Variants in MGST1 observed in about 807,000 individuals in gnomAD.
MGST1 encodes the protein glutathione S-transferase 12.
In MGST1, 5 loss-of-function variants were observed where a neutral mutation model predicts 8.9. The observed-to-expected ratio is 0.56, with a 90% confidence interval of 0.29 to 1.19. The LOEUF (loss-of-function observed/expected upper bound fraction) is 1.19, where lower values mean the gene tolerates loss of function less well. MGST1 is among the 50% of genes most tolerant of loss of function. The probability of loss-of-function intolerance (pLI) is 0.08; values close to 1 mark genes in which losing one functional copy is unlikely to be tolerated. For missense variants in MGST1, 182 were observed against 187.4 expected (o/e 0.97, Z 0.17); for synonymous variants, 54 against 67.8 (o/e 0.80, Z 1.00).
intron 4 of MGST1, among the ~76,000 whole-genome samples, chr12:16,553,145 C>CCCTACAT (rs1438820309): frequency 6.6e-6 from 1 of 152,064 alleles, no homozygotes; most frequent in Admixed American, 6.6e-5. Flanking sequence ...CACATTTATT[C>CCCTACAT]CCTACATCCA....
chr12:16,560,773 T>C lies in MGST1; in HGVS notation n.483-28755T>C, dbSNP rs986187953. On this transcript the variant is annotated intron_variant and non_coding_transcript_variant, in intron 4 of 4. Transcript: ENST00000538857. The surrounding 1 kb of genome is among the most constrained non-coding windows in gnomAD (Gnocchi z 5.0). ...AGAAGAAAAGGAAAAGACAAATACA[T>C]TAGGAAGCTTACGTAACTGCACATA... is the stretch of plus-strand genomic sequence containing the variant. 5.5e-6 allele frequency: 3 copies of C among 542,876 alleles called. No individual in the cohort carries two copies. The highest frequency in any genetic ancestry group is 3.8e-5 in the African/African-American group (2 of 52,112). 33.6% of individuals were successfully genotyped at this position (542,876 alleles called of 1,614,324 possible).
chr12:16,491,063 G>A (rs533153820), intron 4 of MGST1, among the ~76,000 whole-genome samples: 5 of 152,118 alleles, frequency 3.3e-5, no homozygotes, highest in Admixed American at 6.6e-5. Context: ...AAATTCTCTC[G>A]ATATAACTAT....
At chr12:16,442,610 A>C (rs1246689944), downstream of MGST1, among the ~76,000 whole-genome samples, 2 of 151,894 alleles carry the variant, frequency 1.3e-5, no homozygotes, top group East Asian at 3.9e-4. The surrounding 1 kb of genome is among the most constrained non-coding windows in gnomAD (Gnocchi z 4.5). Context: ...TTTGTTAAAG[A>C]TCAGCTGGGA....
intron 1 of MGST1, among the ~76,000 whole-genome samples, chr12:16,429,641 T>C (rs1031268114): frequency 4.6e-5 from 7 of 152,170 alleles, no homozygotes; most frequent in Admixed American, 3.9e-4. Context: ...AAAATTATGT[T>C]TATACTATAC....
At chr12:16,515,431 G>A (rs1022287604) in intron 4 of MGST1, among the ~76,000 whole-genome samples, 25 of 152,080 alleles carry the variant, frequency 1.6e-4, no homozygotes, top group Admixed American at 1.5e-3. Flanking sequence ...GAGGACAGAA[G>A]TCTGAGACCA....
rs1459061073 is a variant in MGST1, at chr12:16,401,784, C to G, written n.778+18180C>G. ...CACAGACTCAGCCAGTTTGCTGTGT[C>G]AAACTTTCTCATCTGCATCAACTAT... On this transcript the variant is annotated intron_variant and non_coding_transcript_variant, in intron 1 of 1. Transcript: ENST00000359720. The surrounding 1 kb of genome is among the most constrained non-coding windows in gnomAD (Gnocchi z 4.3). 5.6e-6 allele frequency: 9 copies of G among 1,602,644 alleles called. No individual in the cohort carries two copies. The East Asian group carries it at 1.6e-4, about 28-fold the overall frequency.
chr12:16,483,308 C>G (rs1435489957), intron 4 of MGST1, among the ~76,000 whole-genome samples: 1 of 151,804 alleles, frequency 6.6e-6, no homozygotes, highest in Non-Finnish European at 1.5e-5. Flanking sequence ...TAATTTTCTT[C>G]CTGATTATTA....
chr12:16,352,067 G>A (rs571630322), intron 1 of MGST1, among the ~76,000 whole-genome samples: 111 of 152,170 alleles, frequency 7.3e-4, no homozygotes, highest in Non-Finnish European at 1.4e-3. Flanking sequence ...TGTAGTAACC[G>A]TATGGGGTGT....
At chr12:16,427,543 A>G (rs907008981) in intron 1 of MGST1, among the ~76,000 whole-genome samples, 1 of 152,054 alleles carries the variant, frequency 6.6e-6, no homozygotes, top group Non-Finnish European at 1.5e-5. Context: ...TACCATGCCC[A>G]GCTAATTTTT....
chr12:16,380,686 C>T (rs573153978), downstream of MGST1, among the ~76,000 whole-genome samples: 3 of 152,200 alleles, frequency 2.0e-5, no homozygotes, highest in East Asian at 1.9e-4. Context: ...GAGTTCAATT[C>T]CTGGGTATCC....
chr12:16,362,102 C>A lies in MGST1; in HGVS notation c.222-1693C>A, dbSNP rs1460475885. Among the ~76,000 whole-genome samples the A allele has an allele frequency of 1.3e-5, 2 of 152,148 alleles. No individual in the cohort carries two copies. The highest frequency in any genetic ancestry group is 4.8e-5 in the African/African-American group (2 of 41,424). ...TGTTGTGAAGGAGAACACTAACGTGCCTAAGATTGGAGGTGACGATATCTC... is the reference window on the plus strand; with the variant it reads ...TGTTGTGAAGGAGAACACTAACGTGACTAAGATTGGAGGTGACGATATCTC... On this transcript the variant is annotated intron_variant, in intron 3 of 3. Transcript: ENST00000396210. The surrounding 1 kb of genome is among the most constrained non-coding windows in gnomAD (Gnocchi z 4.4).
chr12:16,486,220 T>C (rs1182767002), intron 4 of MGST1, among the ~76,000 whole-genome samples: 1 of 152,210 alleles, frequency 6.6e-6, no homozygotes, highest in Non-Finnish European at 1.5e-5. Flanking sequence ...ACATTTAACA[T>C]AGAATATACT....
chr12:16,525,840 C>G (rs1354489222), intron 4 of MGST1, among the ~76,000 whole-genome samples: 6 of 151,518 alleles, frequency 4.0e-5, no homozygotes, highest in African/African-American at 7.3e-5. Flanking sequence ...GCCATTCTAA[C>G]TGGTGTGAGA....
At chr12:16,408,910 C>T (rs1940718046) in intron 1 of MGST1, among the ~76,000 whole-genome samples, 1 of 152,098 alleles carries the variant, frequency 6.6e-6, no homozygotes, top group Non-Finnish European at 1.5e-5. Flanking sequence ...TACTGTAAAA[C>T]CCATATATTT....
Position 16,395,182 on chromosome 12 carries a change from C to T in MGST1, n.778+11578C>T, listed in dbSNP as rs567891467. On this transcript the variant is annotated intron_variant and non_coding_transcript_variant, in intron 1 of 1. Transcript: ENST00000359720. ...TATTTTTCACATATAGGTCATAATG[C>T]TGGGGAAGGATTTTTTATATATATA... Among the ~76,000 whole-genome samples, 250 of 151,658 alleles carry T rather than the reference C, an allele frequency of 1.6e-3. 2 individuals are homozygous for T. Among genetic ancestry groups the T allele is most frequent in the African/African-American group, 5.8e-3 (239 of 41,354 alleles).
At chr12:16,383,657 C>T (rs182556161) in intron 1 of MGST1, 2 of 152,228 alleles carry the variant, frequency 1.3e-5, no homozygotes, top group Admixed American at 6.5e-5. Context: ...GATGGGGTTT[C>T]TCAATGCTGG....
exon 2 of MGST1, chr12:16,437,406 CT>C (rs1940996392): frequency 6.6e-6 from 1 of 151,950 alleles, no homozygotes; most frequent in Admixed American, 6.6e-5. Flanking sequence ...GCACTTGAAT[CT>C]TTAGCACAAC....
At chr12:16,499,740 G>A (rs1406804842) in intron 4 of MGST1, among the ~76,000 whole-genome samples, 3 of 151,816 alleles carry the variant, frequency 2.0e-5, no homozygotes, top group Non-Finnish European at 2.9e-5. Context: ...CTCAAGCTCC[G>A]TTTCTCAGTT....
At chr12:16,387,167 A>G (rs1940510948) in intron 1 of MGST1, among the ~76,000 whole-genome samples, 1 of 152,176 alleles carries the variant, frequency 6.6e-6, no homozygotes, top group South Asian at 2.1e-4. Context: ...ATTAAACTTT[A>G]TCATAGTGCA....
Sources: gnomAD v4.1 joint callset for allele counts (sites outside exome capture counted in the v4.1 genomes callset) on GRCh38, gnomAD v4.1.1 for gene constraint, Gnocchi (gnomAD v3.1) non-coding constraint, MANE v1.5 for transcripts, NCBI Gene and HGNC (gene_info 2026-07-23, HGNC 2026-07-21) for gene names.